LHFPL2: variants seen among roughly 807,000 people sequenced by gnomAD.
LHFPL2 encodes LHFPL tetraspan subfamily member 2 protein.
A neutral mutation model predicts 17.5 loss-of-function variants in LHFPL2; 7 were observed. The ratio of observed to expected loss-of-function variants is 0.40; its 90% CI spans 0.23 to 0.75. The LOEUF (loss-of-function observed/expected upper bound fraction) is 0.75. LHFPL2 is among the 30% of genes least tolerant of loss of function. The pLI, the probability that LHFPL2 is intolerant of heterozygous loss-of-function variation, is 0.37. For missense variants in LHFPL2, 241 were observed against 294.8 expected, an observed-to-expected ratio of 0.82 and a Z score of 1.34; for synonymous variants, 134 against 116.2, an observed-to-expected ratio of 1.15 and a Z score of -0.99.
chr5:78,625,931 G>C (rs1745018314), intron 2 of LHFPL2: 2 of 152,190 alleles, frequency 1.3e-5, no homozygotes, highest in Admixed American at 1.3e-4. Context: ...GCGCCAAGAG[G>C]GGACTGAAGC....
intron 3 of LHFPL2, among the ~76,000 whole-genome samples, chr5:78,562,940 AG>A (rs1414006787): frequency 6.6e-6 from 1 of 152,174 alleles, no homozygotes; most frequent in African/African-American, 2.4e-5. Flanking sequence ...CAACCCACAA[AG>A]GGGGGACTAA....
Position 78,588,197 on chromosome 5 carries a change from A to G in LHFPL2, c.-244-23326T>C, listed in dbSNP as rs529329335. Among the ~76,000 whole-genome samples the G allele has an allele frequency of 3.9e-5, 6 of 152,340 alleles. No homozygotes were observed. In the South Asian group the frequency reaches 1.0e-3, roughly 26 times the overall value. Reference sequence around the variant, plus strand: ...TTTTTTAATTTGTTTAAGAGACAGCATCTGGCTTTGTGGCCTAGGCTGGAG... The same window carrying G: ...TTTTTTAATTTGTTTAAGAGACAGCGTCTGGCTTTGTGGCCTAGGCTGGAG... On this transcript the variant is annotated intron_variant, in intron 2 of 4. Transcript: ENST00000380345.
At chr5:78,641,230 A>T (rs182670219) in intron 1 of LHFPL2, among the ~76,000 whole-genome samples, 50 of 152,332 alleles carry the variant, frequency 3.3e-4, no homozygotes, top group African/African-American at 1.1e-3. Flanking sequence ...TTAGTCCCAC[A>T]AACAGGAAGA....
chr5:78,517,047 TCAGGA>T (rs1018384685), intron 3 of LHFPL2, among the ~76,000 whole-genome samples: 25 of 152,314 alleles, frequency 1.6e-4, no homozygotes, highest in Non-Finnish European at 2.2e-4. Context: ...GGCTGGTCAC[TCAGGA>T]GGTACTCAGG....
At chr5:78,509,162 G>C (rs574377231) in intron 4 of LHFPL2, among the ~76,000 whole-genome samples, 1 of 152,190 alleles carries the variant, frequency 6.6e-6, no homozygotes, top group Non-Finnish European at 1.5e-5. Context: ...GGAAGAGTTC[G>C]CTTGCATTTT....
intron 3 of LHFPL2, among the ~76,000 whole-genome samples, chr5:78,522,754 G>A (rs956388885): frequency 5.9e-5 from 9 of 152,164 alleles, no homozygotes; most frequent in African/African-American, 2.2e-4. Context: ...GAAATACACA[G>A]ATATAATAAA....
intron 4 of LHFPL2, among the ~76,000 whole-genome samples, chr5:78,507,942 ACAC>A (rs1561311184): frequency 0.043 from 139 of 3,224 alleles, no homozygotes; most frequent in African/African-American, 0.12. Context: ...ACACATGCAT[ACAC>A]ACACACACAC....
intron 3 of LHFPL2, among the ~76,000 whole-genome samples, chr5:78,524,628 G>A (rs976824038): frequency 8.6e-5 from 13 of 151,836 alleles, no homozygotes; most frequent in African/African-American, 3.1e-4. Flanking sequence ...TGTAGCCCCA[G>A]CTGCTCAGGA....
At chr5:78,616,228 G>T (rs1334177579) in intron 2 of LHFPL2, among the ~76,000 whole-genome samples, 1 of 152,076 alleles carries the variant, frequency 6.6e-6, no homozygotes, top group Non-Finnish European at 1.5e-5. Context: ...TCGGGTTCAC[G>T]CCATTCTTCT....
At chr5:78,584,685 A>G (rs1743297930) in intron 2 of LHFPL2, among the ~76,000 whole-genome samples, 1 of 152,160 alleles carries the variant, frequency 6.6e-6, no homozygotes, top group Non-Finnish European at 1.5e-5. Flanking sequence ...TGCTCTCTTC[A>G]AAGCTGTCAG....
At chr5:78,597,332 A>AT in intron 2 of LHFPL2, among the ~76,000 whole-genome samples, 1 of 152,064 alleles carries the variant, frequency 6.6e-6, no homozygotes, top group East Asian at 1.9e-4. Context: ...GTTTTTTTCA[A>AT]TTTTCTCCCA....
At chr5:78,567,620 T>C (rs544820479) in intron 2 of LHFPL2, among the ~76,000 whole-genome samples, 1 of 152,276 alleles carries the variant, frequency 6.6e-6, no homozygotes, top group East Asian at 1.9e-4. Flanking sequence ...ATTAACTCAT[T>C]TGCTTTCACA....
intron 4 of LHFPL2, among the ~76,000 whole-genome samples, chr5:78,508,516 A>C (rs1311829314): frequency 6.6e-6 from 1 of 152,164 alleles, no homozygotes; most frequent in Non-Finnish European, 1.5e-5. Context: ...CACCCTACAC[A>C]GGGGCCTCCT....
chr5:78,493,427 T>C (rs1477099729), intron 4 of LHFPL2, among the ~76,000 whole-genome samples: 1 of 152,248 alleles, frequency 6.6e-6, no homozygotes, highest in Non-Finnish European at 1.5e-5. Flanking sequence ...AGAATTGTCA[T>C]TTCATACGAC....
chr5:78,512,935 T>G (rs1755181811), intron 3 of LHFPL2, among the ~76,000 whole-genome samples: 2 of 152,054 alleles, frequency 1.3e-5, no homozygotes, highest in Non-Finnish European at 2.9e-5. Context: ...TTTGTATTTT[T>G]AGTAGAGATG....
rs536881530 is a variant in LHFPL2, at chr5:78,591,606, C to G, written c.-244-26735G>C. Among the ~76,000 whole-genome samples, 5 of 152,270 alleles carry G rather than the reference C, an allele frequency of 3.3e-5. No individual in the cohort carries two copies. The East Asian group carries it at 9.7e-4, about 29-fold the overall frequency. On this transcript the variant is annotated intron_variant, in intron 2 of 4. Coordinates refer to ENST00000380345, the MANE Select transcript of LHFPL2 (RefSeq NM_005779.3). ...CAACTCTGAGAAAATGTTTGTGATC[C>G]TTTGTGTCCTGTAATCCTTGACATT... is the stretch of plus-strand genomic sequence containing the variant.
intron 4 of LHFPL2, chr5:78,494,238 A>G (rs1754535973): frequency 2.9e-6 from 1 of 339,064 alleles, no homozygotes; most frequent in African/African-American, 2.2e-5. Context: ...CTGATTCATG[A>G]CTGGGTCGCA....
intron 3 of LHFPL2, among the ~76,000 whole-genome samples, chr5:78,511,000 CATGTAA>C (rs2112324948): frequency 6.6e-6 from 1 of 152,076 alleles, no homozygotes; most frequent in Non-Finnish European, 1.5e-5. Context: ...GAAAGAATCA[CATGTAA>C]AAGAATAAAC....
intron 3 of LHFPL2, among the ~76,000 whole-genome samples, chr5:78,511,084 C>T (rs966430632): frequency 5.6e-5 from 8 of 143,270 alleles, no homozygotes; most frequent in African/African-American, 2.1e-4. Flanking sequence ...AAATAATTTA[C>T]ACTAATTAAA....
Sources: allele counts gnomAD v4.1 joint callset (sites outside exome capture counted in the v4.1 genomes callset), GRCh38; gene constraint gnomAD v4.1.1; transcripts MANE v1.5; gene names NCBI Gene and HGNC (gene_info 2026-07-23, HGNC 2026-07-21).